CRTC2: variants seen among roughly 807,000 people sequenced by gnomAD.
The protein encoded by CRTC2 is CREB regulated transcription coactivator 2.
Under a neutral mutation model 70.9 loss-of-function variants are expected in CRTC2, and 25 were observed. The ratio of observed to expected loss-of-function variants is 0.35; its 90% CI spans 0.26 to 0.49. CRTC2 has a LOEUF of 0.49. CRTC2 is among the 20% of genes least tolerant of loss of function. The pLI is 0.98. For missense variants in CRTC2, 737 were observed against 882.6 expected, an observed-to-expected ratio of 0.83 and a Z score of 2.09; for synonymous variants, 330 against 364.1, an observed-to-expected ratio of 0.91 and a Z score of 1.07.
At chr1:153,957,658 T>C (rs1218457325) in intron 1 of CRTC2, among the ~76,000 whole-genome samples, 2 of 152,040 alleles carry the variant, frequency 1.3e-5, no homozygotes, top group African/African-American at 4.8e-5. Flanking sequence ...CAGCAAACCA[T>C]AGAGTTCCAC....
chr1:153,952,021 G>A lies in CRTC2; in HGVS notation c.994C>T (p.Pro332Ser), dbSNP rs1461401857. 6.2e-7 allele frequency: 1 copy of A among 1,612,780 alleles called. No homozygotes were observed. Among genetic ancestry groups the A allele is most frequent in the East Asian group, 2.2e-5 (1 of 44,888 alleles). Residue 332 changes from proline (P) to serine (S), a missense_variant, in exon 10 of 14, where the codon CCA (proline) becomes TCA (serine). Physicochemically the swap from Pro to Ser is moderately conservative, Grantham distance 74. Transcript: ENST00000368633. ...CATGGCCAGGACAGTCACTCACCTGGTGCATCATAGCCTGGGCCCAGGCCC... is the reference window on the plus strand; with the variant it reads ...CATGGCCAGGACAGTCACTCACCTGATGCATCATAGCCTGGGCCCAGGCCC... Reference protein sequence around the residue: ...GMGLGPGYDAPGLHSPLSHPS... With the variant: ...GMGLGPGYDASGLHSPLSHPS...
rs140933480 is a variant in CRTC2, at chr1:153,948,282, C to T, written c.1909G>A (p.Gly637Arg). The change falls in exon 14 of 14, where the codon GGA (glycine) becomes AGA (arginine). Residue 637 changes from glycine (G) to arginine (R), a missense_variant. Coordinates refer to ENST00000368633, the MANE Select transcript of CRTC2 (RefSeq NM_181715.3). ...GCTGACACCTCAAAGCCAGGCACTC[C>T]GGCCAGGGCTGCTGCAATCTCCTTA... is the stretch of plus-strand genomic sequence containing the variant. ...FSKEIAAALAGVPGFEVSAAG... is the reference protein window; with the variant it reads ...FSKEIAAALARVPGFEVSAAG... The T allele has an allele frequency of 3.8e-5, 61 of 1,614,260 alleles. 1 individual carries two copies. The highest frequency in any genetic ancestry group is 3.6e-4 in the South Asian group (33 of 91,088).
At chr1:153,952,926 G>A (rs889029085) in intron 6 of CRTC2, 92 bp from the exon 7 acceptor site, 3 of 1,492,296 alleles carry the variant, frequency 2.0e-6, no homozygotes, top group Admixed American at 1.7e-5. Context: ...GCTCATGCCT[G>A]TAATCCCAGC....
At chr1:153,953,861 G>C (rs1321771361) in intron 4 of CRTC2, among the ~76,000 whole-genome samples, 1 of 152,182 alleles carries the variant, frequency 6.6e-6, no homozygotes, top group Non-Finnish European at 1.5e-5. Context: ...CTGGGTATGA[G>C]CATTGAAAGT....
rs1680300882 is a variant in CRTC2 at position 153,951,309 on chromosome 1, G to A, written c.1355C>T (p.Pro452Leu). The A allele has an allele frequency of 6.2e-7, 1 of 1,613,946 alleles. No individual in the cohort carries two copies. Residue 452 changes from proline to leucine, a missense_variant, in exon 11 of 14, where the codon CCC (proline) becomes CTC (leucine). Transcript: ENST00000368633. ...ADARRSQQQL[P>L]KQFSPTMSPT... Reference sequence around the variant, plus strand: ...TGACATTGTTGGCGAAAACTGTTTGGGCAGCTGCTGTTGGGACCTTCTGGC... The same window carrying A: ...TGACATTGTTGGCGAAAACTGTTTGAGCAGCTGCTGTTGGGACCTTCTGGC...
At chr1:153,951,897 G>A (rs966388956) in intron 10 of CRTC2, 121 bp downstream of exon 10, 37 of 1,351,642 alleles carry the variant, frequency 2.7e-5, no homozygotes, top group Non-Finnish European at 3.7e-5. Flanking sequence ...GAATCCTGGG[G>A]TGCAGAGGTG....
rs571177423 is a variant in CRTC2, at chr1:153,948,007, G to C, written c.*102C>G. The C allele has an allele frequency of 4.9e-4, 556 of 1,127,164 alleles. No individual in the cohort carries two copies. The highest frequency in any genetic ancestry group is 7.7e-4 in the Admixed American group (39 of 50,488). The allele number at this position is 1,127,164 out of a possible 1,614,324, so 69.8% of individuals were successfully genotyped here. Reference sequence around the variant, plus strand: ...CATCCTTCATTCATGCTAGAAAGAGGATCTGGGGACAGAGAGTAGAGTCTC... The same window carrying C: ...CATCCTTCATTCATGCTAGAAAGAGCATCTGGGGACAGAGAGTAGAGTCTC... On this transcript the variant is annotated 3_prime_UTR_variant, in exon 14 of 14. Transcript: ENST00000368633.
Position 153,952,196 on chromosome 1 carries a change from GCCC to G in CRTC2, c.816_818del (p.Gly273del). ...GCAGGTTGGTGAGGTCAGGTAGGGA[GCCC>G]CCCGTGTTCATGGCAGGTGGGAGGA... On this transcript the variant is annotated inframe_deletion, in exon 10 of 14. Coordinates refer to ENST00000368633, the MANE Select transcript of CRTC2 (RefSeq NM_181715.3). The G allele has an allele frequency of 6.2e-7, 1 of 1,613,546 alleles. No individual in the cohort carries two copies. The highest frequency in any genetic ancestry group is 2.2e-5 in the East Asian group (1 of 44,882).
chr1:153,952,997 G>A, intron 6 of CRTC2, 163 bp from the exon 7 acceptor site: 2 of 847,838 alleles, frequency 2.4e-6, no homozygotes, highest in South Asian at 2.9e-5. Flanking sequence ...GCCTGGCCAA[G>A]ATGGTGAAAC....
chr1:153,949,393 A>C lies in CRTC2; in HGVS notation c.1405-9T>G, dbSNP rs200539506. The C allele has an allele frequency of 7.8e-5, 124 of 1,597,770 alleles. No individual in the cohort carries two copies. Among genetic ancestry groups the C allele is most frequent in the Non-Finnish European group, 1.0e-4 (120 of 1,172,208 alleles). ...GTATCCAGGGGGACGCCCTGAAAAGAAGTAAAAAGAGGGAAGCTTACTGCT... is the reference window on the plus strand; with the variant it reads ...GTATCCAGGGGGACGCCCTGAAAAGCAGTAAAAAGAGGGAAGCTTACTGCT... On this transcript the variant is annotated splice_polypyrimidine_tract_variant and intron_variant, in intron 11 of 13. Coordinates refer to ENST00000368633, the MANE Select transcript of CRTC2 (RefSeq NM_181715.3).
At position 153,958,307 on chromosome 1, in the gene CRTC2, G is replaced by A. The variant is rs567276358; in HGVS notation, c.153+38C>T. The stretch of plus-strand genomic sequence containing the variant: ...CCTCTCCGGTCTCCGCTCCGTAACT[G>A]CTCAGCTCTGCTCCGGCTCCCCGGC... On this transcript the variant is annotated intron_variant, in intron 1 of 13. Transcript: ENST00000368633. 2.1e-4 allele frequency: 335 copies of A among 1,600,760 alleles called. 1 individual carries two copies. In the East Asian group the frequency reaches 3.3e-3, roughly 16 times the overall value.
chr1:153,958,159 C>T (rs977302504), intron 1 of CRTC2, 186 bp downstream of exon 1: 3 of 1,418,526 alleles, frequency 2.1e-6, no homozygotes, highest in African/African-American at 2.9e-5. Flanking sequence ...TCCGGTGTTT[C>T]GGTCTCCCCC....
chr1:153,951,114 G>T, intron 11 of CRTC2, 146 bp downstream of exon 11: 1 of 913,878 alleles, frequency 1.1e-6, no homozygotes, highest in Non-Finnish European at 1.7e-6. Flanking sequence ...AGACAAGATG[G>T]ATAAAAGATG....
At chr1:153,952,316 C>T in intron 9 of CRTC2, 54 bp from the exon 10 acceptor site, 1 of 1,601,404 alleles carries the variant, frequency 6.2e-7, no homozygotes, top group South Asian at 1.1e-5. Context: ...GTGCAGTGGT[C>T]AGGGAAGAGC....
chr1:153,952,866 G>A, intron 6 of CRTC2, 32 bp from the exon 7 acceptor site: 1 of 1,613,866 alleles, frequency 6.2e-7, no homozygotes, highest in Non-Finnish European at 8.5e-7. Context: ...TGGCTGCAGT[G>A]CTCACTTGCC....
At position 153,951,727 on chromosome 1, in the gene CRTC2, C is replaced by A. The variant is rs1680332905; in HGVS notation, c.998-61G>T. On this transcript the variant is annotated intron_variant, in intron 10 of 13. Coordinates refer to ENST00000368633, the MANE Select transcript of CRTC2 (RefSeq NM_181715.3). ...TTACTGATGGGAACTGAGCCCCTTT[C>A]CACCCAGAATGGGTGGCAGTGACCA... 14 of 1,571,344 alleles carry A rather than the reference C, an allele frequency of 8.9e-6. No homozygotes were observed. In the South Asian group the frequency reaches 1.6e-4, roughly 18 times the overall value.
At position 153,952,066 on chromosome 1, in the gene CRTC2, G is replaced by A. The variant is rs1199354032; in HGVS notation, c.949C>T (p.Leu317=). Reference sequence around the variant, plus strand: ...AGGCCCATGCCCCTGCTGATGCCCAGGTGAGTCATGGTGTGGGTCAAATTG... The same window carrying A: ...AGGCCCATGCCCCTGCTGATGCCCAAGTGAGTCATGGTGTGGGTCAAATTG... ...TSNLTHTMTH[L]GISRGMGLGP... Residue 317 remains leucine (L), a synonymous_variant, in exon 10 of 14, where the codon CTG becomes TTG. Coordinates refer to ENST00000368633, the MANE Select transcript of CRTC2 (RefSeq NM_181715.3). The A allele has an allele frequency of 6.2e-7, 1 of 1,614,142 alleles. No homozygotes were observed. Among genetic ancestry groups the A allele is most frequent in the South Asian group, 1.1e-5 (1 of 91,074 alleles).
rs1187097569 is a variant in CRTC2 at position 153,954,281 on chromosome 1, A to G, written c.408T>C (p.Ser136=). 6.2e-6 allele frequency: 10 copies of G among 1,612,724 alleles called. No homozygotes were observed. The highest frequency in any genetic ancestry group is 1.3e-5 in the African/African-American group (1 of 74,888). ...TTCGCCAGCTAGACTCTGGGGGAGG[A>G]GATAAGTAGGCAGGACTATAGGGAG... is the stretch of plus-strand genomic sequence containing the variant. The part of the protein sequence containing the change: ...DSSPYSPAYL[S]PPPESSWRRT... Residue 136 remains serine, a synonymous_variant, in exon 4 of 14, where the codon TCT becomes TCC. Transcript: ENST00000368633.
Position 153,955,174 on chromosome 1 carries a change from A to G in CRTC2, c.154-8T>C. On this transcript the variant is annotated splice_polypyrimidine_tract_variant and splice_region_variant and intron_variant, in intron 1 of 13. Coordinates refer to ENST00000368633, the MANE Select transcript of CRTC2 (RefSeq NM_181715.3). ...CAGTTTTTGGGCCTGTAACTGAGAC[A>G]TGGGGAACAAGTGGGAATGTCAGGA... The G allele has an allele frequency of 6.2e-7, 1 of 1,605,658 alleles. No individual in the cohort carries two copies. The highest frequency in any genetic ancestry group is 1.7e-5 in the Admixed American group (1 of 59,862).
Sources: gnomAD v4.1 joint callset for allele counts (sites outside exome capture counted in the v4.1 genomes callset) on GRCh38, gnomAD v4.1.1 for gene constraint, MANE v1.5 for transcripts, NCBI Gene and HGNC (gene_info 2026-07-23, HGNC 2026-07-21) for gene names.